The following IL34 variants were observed in gnomAD, a reference collection of about 807,000 sequenced individuals.
IL34 encodes the protein interleukin-34.
IL34 carries 17 observed loss-of-function variants against 25.3 expected under a neutral mutation model. The ratio of observed to expected loss-of-function variants is 0.67; its 90% CI spans 0.46 to 1.01. IL34 has a LOEUF of 1.01. IL34 is among the 50% of genes least tolerant of loss of function. The pLI, the probability that IL34 is intolerant of heterozygous loss-of-function variation, is 0.00. For synonymous variants in IL34, 174 were observed against 140.9 expected (o/e 1.23, Z -1.66); for missense variants, 368 against 312.9 (o/e 1.18, Z -1.33).
At chr16:70,580,995 T>C (rs2151800560) in intron 1 of IL34, among the ~76,000 whole-genome samples, 1 of 151,712 alleles carries the variant, frequency 6.6e-6, no homozygotes, top group South Asian at 2.1e-4. Context: ...CACTGCATCC[T>C]CTGCCTCCTG....
At chr16:70,610,757 G>A (rs2051078225) in intron 1 of IL34, among the ~76,000 whole-genome samples, 1 of 152,208 alleles carries the variant, frequency 6.6e-6, no homozygotes, top group Non-Finnish European at 1.5e-5. Context: ...GAAGAGATAA[G>A]GCAAAGTCCT....
intron 1 of IL34, chr16:70,654,043 T>TC (rs985035649): frequency 6.6e-6 from 1 of 152,554 alleles, no homozygotes; most frequent in Non-Finnish European, 1.5e-5. Flanking sequence ...GGAGGGACAC[T>TC]AAGATCAGAT....
At chr16:70,613,541 C>G (rs570045557) in intron 1 of IL34, among the ~76,000 whole-genome samples, 1 of 152,246 alleles carries the variant, frequency 6.6e-6, no homozygotes, top group East Asian at 1.9e-4. Flanking sequence ...GTGTGGTCTG[C>G]AGACCAGTGG....
intron 1 of IL34, among the ~76,000 whole-genome samples, chr16:70,625,869 G>T (rs541130144): frequency 6.6e-6 from 1 of 152,226 alleles, no homozygotes; most frequent in African/African-American, 2.4e-5. Context: ...CCACTTACCG[G>T]ATTTGAAATT....
chr16:70,622,561 G>A (rs1317950917), intron 1 of IL34, among the ~76,000 whole-genome samples: 4 of 152,008 alleles, frequency 2.6e-5, no homozygotes, highest in South Asian at 2.1e-4. Context: ...TAAATCAAGC[G>A]TGATCAGGGT....
At chr16:70,590,847 C>T (rs565251844) in intron 1 of IL34, among the ~76,000 whole-genome samples, 5 of 152,248 alleles carry the variant, frequency 3.3e-5, no homozygotes, top group African/African-American at 7.2e-5. Context: ...TCCCTGCCCC[C>T]GCCCCTGGCA....
chr16:70,613,613 C>T (rs1207562277), intron 1 of IL34, among the ~76,000 whole-genome samples: 2 of 152,138 alleles, frequency 1.3e-5, no homozygotes, highest in Non-Finnish European at 2.9e-5. Flanking sequence ...GTGGCTCACA[C>T]CTGTAATCCC....
chr16:70,622,122 G>C (rs1018525021), intron 1 of IL34, among the ~76,000 whole-genome samples: 3 of 151,908 alleles, frequency 2.0e-5, no homozygotes, highest in East Asian at 3.9e-4. Flanking sequence ...AATAAAGGCT[G>C]GTCTGTTATC....
At chr16:70,651,792 C>A (rs992685409) in intron 1 of IL34, among the ~76,000 whole-genome samples, 1 of 150,860 alleles carries the variant, frequency 6.6e-6, no homozygotes, top group South Asian at 2.1e-4. Flanking sequence ...ATGGTTATTG[C>A]TTTTGTCTGT....
intron 1 of IL34, among the ~76,000 whole-genome samples, chr16:70,599,293 C>CTTTCTTTCT (rs113794220): frequency 3.8e-5 from 5 of 132,794 alleles, no homozygotes; most frequent in East Asian, 2.2e-4. Context: ...TTCTTTCTTT[C>CTTTCTTTCT]TTCTTTCTTT....
At chr16:70,596,767 T>A (rs889700187) in intron 1 of IL34, among the ~76,000 whole-genome samples, 2 of 152,142 alleles carry the variant, frequency 1.3e-5, no homozygotes, top group African/African-American at 4.8e-5. Flanking sequence ...AAAAATTGGT[T>A]TTTTGTAGAG....
chr16:70,582,871 C>G (rs2050650228), intron 1 of IL34, among the ~76,000 whole-genome samples: 1 of 152,096 alleles, frequency 6.6e-6, no homozygotes, highest in Admixed American at 6.6e-5. Context: ...GGAAATGGCT[C>G]CATGCTTAAG....
upstream of IL34, among the ~76,000 whole-genome samples, chr16:70,645,452 C>T (rs1231861384): frequency 3.9e-5 from 6 of 152,060 alleles, no homozygotes; most frequent in Non-Finnish European, 8.8e-5. Context: ...AGGGAGGAGG[C>T]GAGGGGATGG....
At chr16:70,607,912 C>T (rs893050288) in intron 1 of IL34, among the ~76,000 whole-genome samples, 7 of 151,428 alleles carry the variant, frequency 4.6e-5, no homozygotes, top group South Asian at 2.1e-4. Context: ...GGATTACAGG[C>T]GAGGGTCACC....
chr16:70,632,526 C>T (rs559162708), intron 1 of IL34, among the ~76,000 whole-genome samples: 10 of 152,158 alleles, frequency 6.6e-5, no homozygotes, highest in East Asian at 1.9e-4. Flanking sequence ...CCAATGCTTT[C>T]GGCTCCTGAC....
upstream of IL34, among the ~76,000 whole-genome samples, chr16:70,645,228 G>A (rs2051898546): frequency 6.6e-6 from 1 of 152,110 alleles, no homozygotes. Context: ...GGCAGCGACT[G>A]GGGCTGAGAT....
In IL34 at chr16:70,656,673, C is replaced by G. The variant is rs904324951; in HGVS notation, c.234C>G (p.Thr78=). The change falls in exon 3 of 6, where the codon ACC becomes ACG. Residue 78 remains threonine, a synonymous_variant. Coordinates refer to ENST00000288098, the MANE Select transcript of IL34 (RefSeq NM_001393494.1). ...GGGTGTTCAGAATCGCCAACGTCACCAGGCTGGTGAGAATCCCTTCCTGGG... is the reference window on the plus strand; with the variant it reads ...GGGTGTTCAGAATCGCCAACGTCACGAGGCTGGTGAGAATCCCTTCCTGGG... The part of the protein sequence containing the change: ...YEGVFRIANV[T]RLQRAQVSER... 3 of 1,364,266 alleles carry G rather than the reference C, an allele frequency of 2.2e-6. No homozygotes were observed. In the African/African-American group the frequency reaches 4.3e-5, roughly 19 times the overall value. 84.5% of individuals were successfully genotyped at this position (1,364,266 alleles called of 1,614,324 possible). A position where few individuals can be genotyped will look rare whatever the true frequency, so the allele number is the denominator to read the frequency against.
chr16:70,617,051 G>A (rs546298192), intron 1 of IL34, among the ~76,000 whole-genome samples: 55 of 152,232 alleles, frequency 3.6e-4, no homozygotes, highest in South Asian at 1.2e-3. Context: ...TAGGGGTGGC[G>A]TGGGAACCTA....
intron 1 of IL34, among the ~76,000 whole-genome samples, chr16:70,592,456 A>C (rs1033839668): frequency 6.6e-6 from 1 of 151,922 alleles, no homozygotes. Flanking sequence ...CCTTAACCCA[A>C]CCCTGGAAGG....
Sources: allele counts gnomAD v4.1 joint callset (sites outside exome capture counted in the v4.1 genomes callset), GRCh38; gene constraint gnomAD v4.1.1; transcripts MANE v1.5; gene names NCBI Gene and HGNC (gene_info 2026-07-23, HGNC 2026-07-21).